Variants in NIPA1 observed in about 807,000 individuals in gnomAD.
NIPA1 encodes NIPA magnesium transporter 1.
In NIPA1, 13 loss-of-function variants were observed where a neutral mutation model predicts 23.9. The ratio of observed to expected loss-of-function variants is 0.54; its 90% confidence interval spans 0.35 to 0.87. The LOEUF is 0.87. Ranked by LOEUF, NIPA1 falls within the 40% of genes least tolerant of loss-of-function variation. The pLI is 0.01. For missense variants in NIPA1, 362 were observed against 429.7 expected, an observed-to-expected ratio of 0.84 and a Z score of 1.39; for synonymous variants, 234 against 202.9, an observed-to-expected ratio of 1.15 and a Z score of -1.30.
intron 1 of NIPA1, among the ~76,000 whole-genome samples, chr15:22,791,475 C>CTTT (rs11428709): frequency 0.015 from 263 of 17,968 alleles, 7 homozygotes; most frequent in African/African-American, 0.035. Context: ...TCCTCTTTCA[C>CTTT]TTTTTTTTTT....
intron 1 of NIPA1, among the ~76,000 whole-genome samples, chr15:22,788,440 G>GCA (rs1161569778): frequency 6.8e-6 from 1 of 147,902 alleles, no homozygotes; most frequent in Non-Finnish European, 1.5e-5. Context: ...GACAGAGGTT[G>GCA]CAGTGAGCCG....
At chr15:22,804,076 G>A (rs559840051) in intron 1 of NIPA1, among the ~76,000 whole-genome samples, 9 of 151,456 alleles carry the variant, frequency 5.9e-5, no homozygotes, top group Middle Eastern at 3.4e-3. Flanking sequence ...TCCCTAGTTC[G>A]AGCGATTCTC....
chr15:22,805,185 C>CT (rs1179058107), intron 1 of NIPA1, among the ~76,000 whole-genome samples: 3 of 152,072 alleles, frequency 2.0e-5, no homozygotes, highest in African/African-American at 7.2e-5. Context: ...AAAACTTTGT[C>CT]TTTTTTCCAT....
At chr15:22,806,035 T>C (rs1003836730) in intron 1 of NIPA1, among the ~76,000 whole-genome samples, 2 of 152,164 alleles carry the variant, frequency 1.3e-5, no homozygotes, top group African/African-American at 4.8e-5. Flanking sequence ...ACCATTCTCC[T>C]GCCTCAGCCT....
rs759267223 is a variant in NIPA1 at position 22,823,876 on chromosome 15, C to T, written c.627C>T (p.Ile209=). Reference sequence around the variant, plus strand: ...TCACCGTGCCTTCCACCAAGGGCATCGGGCTGGCGGCCCAAGACATCTTGC... The same window carrying T: ...TCACCGTGCCTTCCACCAAGGGCATTGGGCTGGCGGCCCAAGACATCTTGC... ...GSFTVPSTKG[I]GLAAQDILHN... The change falls in exon 5 of 5, where the codon ATC becomes ATT. Residue 209 remains isoleucine (I), a synonymous_variant. Coordinates refer to ENST00000337435, the MANE Select transcript of NIPA1 (RefSeq NM_144599.5). The T allele has an allele frequency of 8.1e-6, 13 of 1,614,048 alleles. No homozygotes were observed. The highest frequency in any genetic ancestry group is 4.0e-5 in the African/African-American group (3 of 74,948).
At chr15:22,811,793 G>C (rs17841100) in intron 2 of NIPA1, among the ~76,000 whole-genome samples, 10,676 of 152,264 alleles carry the variant, frequency 0.07, 817 homozygotes, top group African/African-American at 0.19. Context: ...ACCGTGGCCA[G>C]CTGCCTATGC....
At chr15:22,811,523 G>A (rs966114759) in intron 2 of NIPA1, among the ~76,000 whole-genome samples, 1 of 152,134 alleles carries the variant, frequency 6.6e-6, no homozygotes, top group Non-Finnish European at 1.5e-5. Context: ...AGGATTGCTT[G>A]AGCCTGGGAG....
At chr15:22,808,679 C>CTTTTTT (rs59983551) in intron 1 of NIPA1, among the ~76,000 whole-genome samples, 7 of 128,336 alleles carry the variant, frequency 5.5e-5, no homozygotes, top group African/African-American at 1.6e-4. Context: ...TAGCAATATT[C>CTTTTTT]TTTTTTTTGA....
chr15:22,822,479 A>T (rs1895557607), intron 4 of NIPA1, among the ~76,000 whole-genome samples: 1 of 152,090 alleles, frequency 6.6e-6, no homozygotes, highest in Admixed American at 6.6e-5. Context: ...TGCCCCCTGG[A>T]TTCCCAGGTG....
chr15:22,801,507 CTTTTTTTTTTTT>C (rs35360583), intron 1 of NIPA1, among the ~76,000 whole-genome samples: 1 of 78,944 alleles, frequency 1.3e-5, no homozygotes, highest in African/African-American at 5.6e-5. Flanking sequence ...CTTCTAGCGA[CTTTTTTTTTTTT>C]TTTTTTTTTT....
rs901623056 is a variant in NIPA1 at position 22,828,905 on chromosome 15, A to G, written c.*4666A>G. 1 of 152,520 alleles carries G rather than the reference A, an allele frequency of 6.6e-6. No homozygotes were observed. Among genetic ancestry groups the G allele is most frequent in the Non-Finnish European group, 1.5e-5 (1 of 68,052 alleles). 9.4% of individuals were successfully genotyped at this position (152,520 alleles called of 1,614,324 possible). The stretch of plus-strand genomic sequence containing the variant: ...TTCAGCAGTGTTCTGGTGGCCTGAG[A>G]TGAGAGCACCGTGTTCAGAAGTGCC... On this transcript the variant is annotated 3_prime_UTR_variant, in exon 5 of 5. Transcript: ENST00000337435.
intron 1 of NIPA1, among the ~76,000 whole-genome samples, chr15:22,798,276 G>A (rs1251040476): frequency 3.0e-5 from 4 of 135,396 alleles, no homozygotes; most frequent in African/African-American, 1.1e-4. Context: ...ATCTCGCTCT[G>A]TCGCCCAGGC....
At position 22,786,841 on chromosome 15, in the gene NIPA1, C is replaced by A; in HGVS notation, c.178+7C>A. The A allele has an allele frequency of 1.4e-6, 1 of 691,790 alleles. No individual in the cohort carries two copies. Among genetic ancestry groups the A allele is most frequent in the South Asian group, 2.9e-5 (1 of 34,488 alleles). The allele number at this position is 691,790 out of a possible 1,614,324, so 42.9% of individuals were successfully genotyped here. ...GTGCGTGCCAAGCGGCGAGGTAGGG[C>A]GGGCGGCAGGCGGCAGGCGGCGGGC... is the stretch of plus-strand genomic sequence containing the variant. On this transcript the variant is annotated splice_region_variant and intron_variant, in intron 1 of 4. Coordinates refer to ENST00000337435, the MANE Select transcript of NIPA1 (RefSeq NM_144599.5).
intron 4 of NIPA1, among the ~76,000 whole-genome samples, chr15:22,823,425 C>T (rs918571872): frequency 1.3e-5 from 2 of 151,874 alleles, no homozygotes; most frequent in Non-Finnish European, 2.9e-5. Flanking sequence ...TGGTCTTGAA[C>T]TCCTGACCTC....
In NIPA1 at chr15:22,823,776, T is replaced by A; in HGVS notation, c.527T>A (p.Ile176Asn). Residue 176 changes from isoleucine to asparagine, a missense_variant, in exon 5 of 5, where the codon ATC (isoleucine) becomes AAC (asparagine). By Grantham distance (149) the Ile-to-Asn change is moderately radical. Coordinates refer to ENST00000337435, the MANE Select transcript of NIPA1 (RefSeq NM_144599.5). ...GTGCTGCTCATGCTGCTGCTGCTCA[T>A]CTTCTGGATCGCGCCGGCCCATGGG... ...CIVLLMLLLL[I>N]FWIAPAHGPT... The A allele has an allele frequency of 6.2e-7, 1 of 1,613,352 alleles. No homozygotes were observed. The highest frequency in any genetic ancestry group is 1.1e-5 in the South Asian group (1 of 91,050).
At chr15:22,798,099 A>G (rs1894980414) in intron 1 of NIPA1, among the ~76,000 whole-genome samples, 1 of 149,674 alleles carries the variant, frequency 6.7e-6, no homozygotes, top group Admixed American at 6.6e-5. Flanking sequence ...CCCCCGCCTC[A>G]GCCTCCTAAA....
chr15:22,799,815 G>A lies in NIPA1; in HGVS notation c.179-10934G>A, dbSNP rs535369788. ...AAAAAAATTAGGCGAGTGTTGTGGT[G>A]CACCTGTAGTCTCAGCTACTGGGGA... On this transcript the variant is annotated intron_variant, in intron 1 of 4. Transcript: ENST00000337435. Among the ~76,000 whole-genome samples the A allele has an allele frequency of 3.5e-5, 5 of 144,378 alleles. No homozygotes were observed. The East Asian group carries it at 8.1e-4, about 23-fold the overall frequency. The allele number at this position is 144,378 out of a possible 152,430, so 94.7% of individuals were successfully genotyped here.
chr15:22,812,063 AG>A (rs1466564497), intron 2 of NIPA1, 99 bp from the exon 3 acceptor site: 2 of 885,918 alleles, frequency 2.3e-6, no homozygotes, highest in East Asian at 5.4e-5. Flanking sequence ...ATGTGAATGA[AG>A]TAGCCCTTTC....
chr15:22,817,453 C>T (rs1453837060), intron 3 of NIPA1, among the ~76,000 whole-genome samples: 5 of 144,012 alleles, frequency 3.5e-5, no homozygotes, highest in African/African-American at 7.8e-5. Context: ...GAGCCGAGAT[C>T]GGGCCATTGC....
Sources: allele counts gnomAD v4.1 joint callset (sites outside exome capture counted in the v4.1 genomes callset), GRCh38; gene constraint gnomAD v4.1.1; transcripts MANE v1.5; gene names NCBI Gene and HGNC (gene_info 2026-07-23, HGNC 2026-07-21).